The following UNC5D variants were observed in gnomAD, a reference collection of about 807,000 sequenced individuals.
UNC5D encodes unc-5 netrin receptor D, also known as netrin receptor UNC5D.
Under a neutral mutation model 105.4 loss-of-function variants are expected in UNC5D, and 39 were observed. The ratio of observed to expected loss-of-function variants is 0.37; its 90% CI spans 0.29 to 0.48. UNC5D has a LOEUF of 0.48. Among genes scored for constraint, UNC5D ranks in the 20% least tolerant of loss-of-function variants. UNC5D has a pLI of 0.98. For synonymous variants in UNC5D, 452 were observed against 450.4 expected (o/e 1.00, Z -0.04); for missense variants, 991 against 1,202.4 (o/e 0.82, Z 2.60).
chr8:35,385,812 A>G (rs1803358722), intron 1 of UNC5D, among the ~76,000 whole-genome samples: 1 of 152,158 alleles, frequency 6.6e-6, no homozygotes, highest in African/African-American at 2.4e-5. Flanking sequence ...CTTCAGATTT[A>G]TGCAGAAATT....
chr8:35,244,448 T>TTGTG (rs1802970098), intron 1 of UNC5D, among the ~76,000 whole-genome samples: 2 of 152,210 alleles, frequency 1.3e-5, no homozygotes, highest in Non-Finnish European at 2.9e-5. Flanking sequence ...TCACTGCCTA[T>TTGTG]TGTGCCTTCT....
intron 1 of UNC5D, among the ~76,000 whole-genome samples, chr8:35,347,805 T>C (rs951674846): frequency 1.3e-5 from 2 of 151,998 alleles, no homozygotes; most frequent in Non-Finnish European, 2.9e-5. Flanking sequence ...TCTGTTGAAC[T>C]CTATAATTCA....
At chr8:35,502,100 T>A (rs778144127) in intron 1 of UNC5D, among the ~76,000 whole-genome samples, 6 of 152,206 alleles carry the variant, frequency 3.9e-5, no homozygotes, top group African/African-American at 7.2e-5. Context: ...TTAATCCTCA[T>A]TGGTACATAT....
intron 3 of UNC5D, among the ~76,000 whole-genome samples, chr8:35,594,645 A>G (rs1035816357): frequency 6.6e-6 from 1 of 152,144 alleles, no homozygotes; most frequent in African/African-American, 2.4e-5. Context: ...CGAGAGAAGT[A>G]AAGGCCAACT....
At chr8:35,258,730 T>C (rs1741833557) in intron 1 of UNC5D, among the ~76,000 whole-genome samples, 1 of 152,190 alleles carries the variant, frequency 6.6e-6, no homozygotes, top group African/African-American at 2.4e-5. Flanking sequence ...ATAGCTGCCA[T>C]CAAAGATCTT....
intron 1 of UNC5D, among the ~76,000 whole-genome samples, chr8:35,516,278 CAG>C (rs970166266): frequency 2.0e-5 from 3 of 152,148 alleles, no homozygotes; most frequent in African/African-American, 7.2e-5. Context: ...TGGAATAAAA[CAG>C]ATTTGATCAT....
chr8:35,290,794 C>T (rs1807001609), intron 1 of UNC5D, among the ~76,000 whole-genome samples: 1 of 151,684 alleles, frequency 6.6e-6, no homozygotes, highest in Non-Finnish European at 1.5e-5. Context: ...ACTAAAAACA[C>T]AAAATTAGCC....
At chr8:35,414,492 A>G (rs1035444840) in intron 1 of UNC5D, among the ~76,000 whole-genome samples, 1 of 152,106 alleles carries the variant, frequency 6.6e-6, no homozygotes, top group South Asian at 2.1e-4. Context: ...AGGTGTTCTA[A>G]CTTTTTATTT....
At chr8:35,473,885 G>A (rs1407897606) in intron 1 of UNC5D, among the ~76,000 whole-genome samples, 2 of 152,176 alleles carry the variant, frequency 1.3e-5, no homozygotes, top group Admixed American at 6.5e-5. Flanking sequence ...CTGAGTTCAA[G>A]GGGTTGGCAT....
intron 15 of UNC5D, among the ~76,000 whole-genome samples, chr8:35,770,789 C>A (rs1723507591): frequency 6.6e-6 from 1 of 152,278 alleles, no homozygotes; most frequent in South Asian, 2.1e-4. Context: ...TCAAGCAGTT[C>A]TCTTATCTTT....
At chr8:35,563,732 T>C (rs1219655087) in intron 2 of UNC5D, among the ~76,000 whole-genome samples, 2 of 152,198 alleles carry the variant, frequency 1.3e-5, no homozygotes, top group African/African-American at 4.8e-5. Flanking sequence ...CTTTGTTCAG[T>C]AGGTTGTTAG....
chr8:35,756,551 TAAA>T (rs560731427), intron 13 of UNC5D, among the ~76,000 whole-genome samples: 2 of 122,986 alleles, frequency 1.6e-5, no homozygotes, highest in African/African-American at 3.0e-5. Flanking sequence ...CATGAGTCTT[TAAA>T]AAAAAAAAAA....
chr8:35,317,718 T>G (rs1364733884), intron 1 of UNC5D, among the ~76,000 whole-genome samples: 1 of 152,134 alleles, frequency 6.6e-6, no homozygotes, highest in African/African-American at 2.4e-5. Context: ...TATGGAGAAT[T>G]GTCACATATT....
chr8:35,648,640 C>T (rs953497275), intron 4 of UNC5D, among the ~76,000 whole-genome samples: 1 of 134,540 alleles, frequency 7.4e-6, no homozygotes, highest in Non-Finnish European at 1.5e-5. Context: ...CATTGCACCA[C>T]TGAACTCCAG....
chr8:35,614,376 G>A (rs1215762468), intron 4 of UNC5D, among the ~76,000 whole-genome samples: 1 of 152,196 alleles, frequency 6.6e-6, no homozygotes, highest in African/African-American at 2.4e-5. Context: ...GAAAGGTTAA[G>A]TGGGGGTGTC....
chr8:35,659,751 T>A (rs955978146), intron 4 of UNC5D, among the ~76,000 whole-genome samples: 1 of 152,212 alleles, frequency 6.6e-6, no homozygotes, highest in Non-Finnish European at 1.5e-5. Context: ...TTGGTGCCTC[T>A]GTATTGCTGA....
intron 16 of UNC5D, among the ~76,000 whole-genome samples, chr8:35,784,675 G>C (rs1172314883): frequency 6.6e-6 from 1 of 152,042 alleles, no homozygotes; most frequent in East Asian, 1.9e-4. Context: ...TGAAACCTGG[G>C]AGGTGGAGGT....
At chr8:35,471,884 C>G (rs890295322) in intron 1 of UNC5D, among the ~76,000 whole-genome samples, 18 of 152,096 alleles carry the variant, frequency 1.2e-4, no homozygotes, top group Admixed American at 3.3e-4. Flanking sequence ...TATATTGATG[C>G]CTTATTGTGG....
At chr8:35,294,110 A>G (rs1807285761) in intron 1 of UNC5D, among the ~76,000 whole-genome samples, 1 of 152,180 alleles carries the variant, frequency 6.6e-6, no homozygotes, top group African/African-American at 2.4e-5. Flanking sequence ...TAACTCAAAG[A>G]CTGGCAGCTG....
Sources: allele counts gnomAD v4.1 joint callset (sites outside exome capture counted in the v4.1 genomes callset), GRCh38; gene constraint gnomAD v4.1.1; transcripts MANE v1.5; gene names NCBI Gene and HGNC (gene_info 2026-07-23, HGNC 2026-07-21).